MAP7: variants seen among roughly 807,000 people sequenced by gnomAD.
MAP7 encodes the protein microtubule associated protein 7.
In MAP7, 52 loss-of-function variants were observed where a neutral mutation model predicts 94.8. The ratio of observed to expected loss-of-function variants is 0.55; its 90% CI spans 0.44 to 0.69. The LOEUF (loss-of-function observed/expected upper bound fraction) is 0.69. Ranked by LOEUF, MAP7 falls within the 30% of genes least tolerant of loss-of-function variation. The probability of loss-of-function intolerance (pLI) is 0.00; values close to 1 mark genes in which losing one functional copy is unlikely to be tolerated. For synonymous variants in MAP7, 350 were observed against 357.0 expected, an observed-to-expected ratio of 0.98 and a Z score of 0.22; for missense variants, 940 against 964.6, an observed-to-expected ratio of 0.97 and a Z score of 0.34.
chr6:136,411,849 T>G lies in MAP7; in HGVS notation c.167-152A>C, dbSNP rs1787581643. 3 of 589,976 alleles carry G rather than the reference T, an allele frequency of 5.1e-6. No individual in the cohort carries two copies. The East Asian group carries it at 8.8e-5, about 17-fold the overall frequency. The allele number at this position is 589,976 out of a possible 1,614,324, so 36.5% of individuals were successfully genotyped here. A position where few individuals can be genotyped will look rare whatever the true frequency, so the allele number is the denominator to read the frequency against. ...TAAGTACATGTGACTAGAGTTACAG[T>G]GATCTACTCAATTATTAGAAGTTTT... On this transcript the variant is annotated intron_variant, in intron 2 of 17. Coordinates refer to ENST00000354570, the MANE Select transcript of MAP7 (RefSeq NM_003980.6).
At chr6:136,495,646 T>A (rs943276600) in intron 1 of MAP7, among the ~76,000 whole-genome samples, 4 of 152,302 alleles carry the variant, frequency 2.6e-5, no homozygotes, top group Non-Finnish European at 4.4e-5. Flanking sequence ...TAAGTTTTTT[T>A]AAAAAATGTA....
At chr6:136,511,938 G>A (rs962167733) in intron 1 of MAP7, among the ~76,000 whole-genome samples, 3 of 152,206 alleles carry the variant, frequency 2.0e-5, no homozygotes, top group Admixed American at 2.0e-4. Context: ...CTTCTGGAAT[G>A]GTCTAGCTCT....
intron 1 of MAP7, among the ~76,000 whole-genome samples, chr6:136,457,177 T>C (rs945829103): frequency 6.6e-6 from 1 of 151,320 alleles, no homozygotes; most frequent in Admixed American, 6.6e-5. Flanking sequence ...TAAACAATTA[T>C]ATGCTAACAA....
intron 2 of MAP7, chr6:136,420,179 G>A (rs1043985845): frequency 5.1e-6 from 5 of 984,164 alleles, no homozygotes; most frequent in African/African-American, 4.6e-5. Context: ...ATCTGCAGTG[G>A]GCCCCCAGAT....
At chr6:136,404,498 A>G (rs1562361523) in intron 3 of MAP7, among the ~76,000 whole-genome samples, 1 of 152,184 alleles carries the variant, frequency 6.6e-6, no homozygotes, top group Non-Finnish European at 1.5e-5. Context: ...GCTTTATGAT[A>G]TATCTTAGCT....
At chr6:136,457,308 TAA>T (rs561280865) in intron 1 of MAP7, among the ~76,000 whole-genome samples, 6 of 139,764 alleles carry the variant, frequency 4.3e-5, no homozygotes, top group Admixed American at 7.2e-5. Flanking sequence ...AATCAGGAAT[TAA>T]AAAAAAAAAA....
intron 1 of MAP7, among the ~76,000 whole-genome samples, chr6:136,424,234 G>T (rs1481897108): frequency 6.6e-6 from 1 of 150,552 alleles, no homozygotes; most frequent in Non-Finnish European, 1.5e-5. Flanking sequence ...AGATAGGATT[G>T]TATATACCCT....
chr6:136,537,142 T>C (rs1562493934), intron 1 of MAP7, among the ~76,000 whole-genome samples: 1 of 148,594 alleles, frequency 6.7e-6, no homozygotes, highest in Non-Finnish European at 1.5e-5. Flanking sequence ...AAACTTTCTC[T>C]TTCTTTTTTT....
chr6:136,510,756 T>C (rs1267036392), intron 1 of MAP7, among the ~76,000 whole-genome samples: 1 of 152,132 alleles, frequency 6.6e-6, no homozygotes, highest in African/African-American at 2.4e-5. Context: ...AATCTCTGTG[T>C]CTAATTTATA....
intron 1 of MAP7, among the ~76,000 whole-genome samples, chr6:136,425,075 A>T (rs753202463): frequency 2.6e-5 from 4 of 152,188 alleles, no homozygotes; most frequent in Non-Finnish European, 4.4e-5. Flanking sequence ...GACAGCTCCT[A>T]TGTGACTGAC....
At chr6:136,526,319 A>G in intron 1 of MAP7, 4 of 1,009,844 alleles carry the variant, frequency 4.0e-6, no homozygotes, top group Admixed American at 5.6e-5. Flanking sequence ...GAAAAGCCCT[A>G]CTACAGACAC....
Position 136,348,426 on chromosome 6 carries a change from A to G in MAP7, c.2016-2347T>C, listed in dbSNP as rs139133563. Among the ~76,000 whole-genome samples the G allele has an allele frequency of 5.7e-3, 861 of 152,334 alleles. 16 individuals carry two copies. Among genetic ancestry groups the G allele is most frequent in the African/African-American group, 0.019 (801 of 41,574 alleles). On this transcript the variant is annotated intron_variant, in intron 16 of 17. Coordinates refer to ENST00000354570, the MANE Select transcript of MAP7 (RefSeq NM_003980.6). ...TCAGGGGACATCGGGACTGGTAGAA[A>G]CTATAAAACTGAAACTGAAGTACTG...
At chr6:136,532,387 T>C (rs758434117) in intron 1 of MAP7, among the ~76,000 whole-genome samples, 1 of 151,908 alleles carries the variant, frequency 6.6e-6, no homozygotes, top group Non-Finnish European at 1.5e-5. Flanking sequence ...AGACATAACA[T>C]AGAAGAAAAT....
intron 1 of MAP7, among the ~76,000 whole-genome samples, chr6:136,452,869 ATATG>A (rs1243284298): frequency 2.1e-4 from 32 of 152,142 alleles, no homozygotes; most frequent in Non-Finnish European, 4.7e-4. Flanking sequence ...TGTAATGAAA[ATATG>A]TATGTTGTTT....
intron 1 of MAP7, among the ~76,000 whole-genome samples, chr6:136,504,019 C>T (rs1455486536): frequency 1.3e-5 from 2 of 152,194 alleles, no homozygotes; most frequent in African/African-American, 2.4e-5. Context: ...AGTAAAGTCA[C>T]ACTACAGAAT....
rs781442092 is a variant in MAP7 at position 136,466,714 on chromosome 6, C to A, written c.68-44915G>T. Reference sequence around the variant, plus strand: ...ATTTAAAGATTGCCTGATTCTTGAACGTCCTTATTAAGGTTTTCAAAACAC... The same window carrying A: ...ATTTAAAGATTGCCTGATTCTTGAAAGTCCTTATTAAGGTTTTCAAAACAC... On this transcript the variant is annotated intron_variant, in intron 1 of 17. Transcript: ENST00000354570. The A allele has an allele frequency of 5.3e-6, 8 of 1,520,206 alleles. No individual in the cohort carries two copies. The South Asian group carries it at 9.7e-5, about 19-fold the overall frequency. 94.2% of individuals were successfully genotyped at this position (1,520,206 alleles called of 1,614,324 possible). A position where few individuals can be genotyped will look rare whatever the true frequency, so the allele number is the denominator to read the frequency against.
chr6:136,366,574 C>T (rs1456418280), intron 8 of MAP7, 135 bp from the exon 9 acceptor site: 2 of 637,706 alleles, frequency 3.1e-6, no homozygotes, highest in African/African-American at 1.8e-5. Context: ...ATACCCATTC[C>T]ATCTCAACAA....
At chr6:136,506,818 T>C (rs891657692) in intron 1 of MAP7, among the ~76,000 whole-genome samples, 6 of 152,164 alleles carry the variant, frequency 3.9e-5, no homozygotes, top group Non-Finnish European at 7.4e-5. Flanking sequence ...AAAACCTAAC[T>C]AGTAATATGC....
intron 1 of MAP7, among the ~76,000 whole-genome samples, chr6:136,543,681 A>G (rs1378268545): frequency 6.6e-6 from 1 of 152,110 alleles, no homozygotes. Flanking sequence ...AAGGTTACAC[A>G]ATGTATGATT....
Sources: gnomAD v4.1 joint callset for allele counts (sites outside exome capture counted in the v4.1 genomes callset) on GRCh38, gnomAD v4.1.1 for gene constraint, MANE v1.5 for transcripts, NCBI Gene and HGNC (gene_info 2026-07-23, HGNC 2026-07-21) for gene names.